DYNC2I2: variants seen among roughly 807,000 people sequenced by gnomAD.
DYNC2I2 encodes dynein 2 intermediate chain 2, also known as cytoplasmic dynein 2 intermediate chain 2.
In DYNC2I2, 39 loss-of-function variants were observed where a neutral mutation model predicts 52.0. The observed-to-expected ratio is 0.75, with a 90% CI of 0.58 to 0.98. The LOEUF is 0.98. Ranked by LOEUF, DYNC2I2 falls within the 50% of genes least tolerant of loss-of-function variation. DYNC2I2 has a pLI of 0.00. For missense variants in DYNC2I2, 743 were observed against 728.4 expected, an observed-to-expected ratio of 1.02 and a Z score of -0.23; for synonymous variants, 359 against 321.1, an observed-to-expected ratio of 1.12 and a Z score of -1.26.
At chr9:128,639,416 G>T (rs1039181426) in intron 2 of DYNC2I2, among the ~76,000 whole-genome samples, 7 of 151,576 alleles carry the variant, frequency 4.6e-5, no homozygotes, top group African/African-American at 1.7e-4. Flanking sequence ...AAAAAAAAAA[G>T]AAAAAGACAA....
chr9:128,634,342 A>C lies in DYNC2I2; in HGVS notation c.1256T>G (p.Leu419Arg), dbSNP rs527775939. 3 of 1,608,084 alleles carry C rather than the reference A, an allele frequency of 1.9e-6. No individual in the cohort carries two copies. In the Admixed American group the frequency reaches 5.2e-5, roughly 28 times the overall value. The change falls in exon 8 of 9, where the codon CTG (leucine) becomes CGG (arginine). Residue 419 changes from leucine (L) to arginine (R), a missense_variant. Leu to Arg is a moderately radical substitution (Grantham distance 102, BLOSUM62 -2). Coordinates refer to ENST00000372715, the MANE Select transcript of DYNC2I2 (RefSeq NM_052844.4). The stretch of plus-strand genomic sequence containing the variant: ...GGGAGGGGCCTGCAGCATGGAGTAC[A>C]GGTGGACATGCCCGTCAGTCCCAGC... ...LSAGTDGHVH[L>R]YSMLQAPPLT...
intron 1 of DYNC2I2, among the ~76,000 whole-genome samples, chr9:128,641,895 A>G (rs1860520263): frequency 2.6e-5 from 4 of 151,886 alleles, no homozygotes; most frequent in Admixed American, 1.3e-4. Flanking sequence ...CCAGCCCCCC[A>G]GCATAAGACT....
At chr9:128,671,496 A>G in the DYNC2I2 span, among the ~76,000 whole-genome samples, 2 of 116,082 alleles carry the variant, frequency 1.7e-5, no homozygotes, top group Middle Eastern at 5.8e-3. Flanking sequence ...TTTTTTTGAG[A>G]CGGAGTCTCA....
At chr9:128,665,495 C>T in the DYNC2I2 span, among the ~76,000 whole-genome samples, 8 of 152,014 alleles carry the variant, frequency 5.3e-5, no homozygotes, top group African/African-American at 1.2e-4. Context: ...TGGGACCAGG[C>T]GCGGTGGTTC....
intron 2 of DYNC2I2, among the ~76,000 whole-genome samples, chr9:128,639,748 CT>C (rs1860476499): frequency 1.3e-5 from 2 of 152,118 alleles, no homozygotes; most frequent in Non-Finnish European, 2.9e-5. Context: ...TCACTGCAAG[CT>C]CCGTCTCCCG....
chr9:128,655,288 A>C (rs1182228835), intron 1 of DYNC2I2, among the ~76,000 whole-genome samples: 1 of 139,518 alleles, frequency 7.2e-6, no homozygotes, highest in African/African-American at 2.6e-5. Flanking sequence ...TCACAATGTC[A>C]GGAGATCGAG....
At chr9:128,662,683 GATCCTCCTGCTTCAGCCTACAGAGTA>G in the DYNC2I2 span, among the ~76,000 whole-genome samples, 1 of 152,176 alleles carries the variant, frequency 6.6e-6, no homozygotes, top group East Asian at 1.9e-4. Context: ...AGGTTCAAGT[GATCCTCCTGCTTCAGCCTACAGAGTA>G]GCTGGGATTA....
At chr9:128,671,905 G>C in the DYNC2I2 span, among the ~76,000 whole-genome samples, 1 of 151,290 alleles carries the variant, frequency 6.6e-6, no homozygotes, top group Non-Finnish European at 1.5e-5. Flanking sequence ...CGCCCGCCTC[G>C]GCCTCCCAAA....
At chr9:128,670,256 TG>T in the DYNC2I2 span, among the ~76,000 whole-genome samples, 10 of 151,708 alleles carry the variant, frequency 6.6e-5, no homozygotes, top group African/African-American at 2.4e-4. Flanking sequence ...CTGGCCAACA[TG>T]GTGAAACTCC....
chr9:128,656,922 C>T, upstream of DYNC2I2: 1 of 537,948 alleles, frequency 1.9e-6, no homozygotes, highest in Non-Finnish European at 2.9e-6. Context: ...GTTTTGCATA[C>T]CCTGTCCCCA....
chr9:128,667,536 G>A, the DYNC2I2 span, among the ~76,000 whole-genome samples: 1 of 149,856 alleles, frequency 6.7e-6, no homozygotes, highest in Non-Finnish European at 1.5e-5. Flanking sequence ...ATGTTGGCCA[G>A]GCTGGTCTCA....
chr9:128,676,839 G>GTT, the DYNC2I2 span, among the ~76,000 whole-genome samples: 6,497 of 144,128 alleles, frequency 0.045, 452 homozygotes, highest in African/African-American at 0.15. Context: ...GGCCCCAGCT[G>GTT]TTTTTTTTTT....
the DYNC2I2 span, among the ~76,000 whole-genome samples, chr9:128,672,279 A>G: frequency 2.6e-5 from 4 of 151,784 alleles, no homozygotes; most frequent in South Asian, 8.3e-4. Context: ...CAATTTTTGT[A>G]TTTTTAGTAG....
rs754660088 is a variant in DYNC2I2, at chr9:128,634,286, G to A, written c.1312C>T (p.Leu438=). The stretch of plus-strand genomic sequence containing the variant: ...ACTGGGGACCAGCGCACAGCAAACA[G>A]ATACTTGAGGGAGAGCTGCAGCGAA... ...LTSLQLSLKY[L]FAVRWSPVRP... Residue 438 remains leucine (L), a synonymous_variant, in exon 8 of 9, where the codon CTG becomes TTG. Coordinates refer to ENST00000372715, the MANE Select transcript of DYNC2I2 (RefSeq NM_052844.4). 2 of 1,613,782 alleles carry A rather than the reference G, an allele frequency of 1.2e-6. No homozygotes were observed. The highest frequency in any genetic ancestry group is 2.2e-5 in the South Asian group (2 of 91,076).
chr9:128,648,326 A>T (rs1248187715), intron 1 of DYNC2I2, among the ~76,000 whole-genome samples: 1 of 152,066 alleles, frequency 6.6e-6, no homozygotes, highest in African/African-American at 2.4e-5. Context: ...AGAATCACTT[A>T]AACCAGTAAG....
chr9:128,637,904 G>A (rs1053787004), intron 2 of DYNC2I2, among the ~76,000 whole-genome samples: 1 of 152,064 alleles, frequency 6.6e-6, no homozygotes, highest in African/African-American at 2.4e-5. Flanking sequence ...ATCCTCTGAC[G>A]TTTCAGATCT....
At chr9:128,656,862 G>A, upstream of DYNC2I2, 1 of 898,064 alleles carries the variant, frequency 1.1e-6, no homozygotes, top group Non-Finnish European at 1.5e-6. Context: ...GCAAGACCTG[G>A]AAGAAAGAAA....
At chr9:128,678,226 G>T in the DYNC2I2 span, among the ~76,000 whole-genome samples, 1 of 150,618 alleles carries the variant, frequency 6.6e-6, no homozygotes, top group African/African-American at 2.4e-5. Flanking sequence ...TGTGCACCAC[G>T]CCCAGGTGAT....
At chr9:128,660,724 T>TA (rs1191500095), upstream of DYNC2I2, among the ~76,000 whole-genome samples, 7 of 151,596 alleles carry the variant, frequency 4.6e-5, no homozygotes, top group South Asian at 2.1e-4. Flanking sequence ...TATTTTTATT[T>TA]TTTATTTATT....
Sources: gnomAD v4.1 joint callset for allele counts (sites outside exome capture counted in the v4.1 genomes callset) on GRCh38, gnomAD v4.1.1 for gene constraint, MANE v1.5 for transcripts, NCBI Gene and HGNC (gene_info 2026-07-23, HGNC 2026-07-21) for gene names.